KLHL36: variants seen among roughly 807,000 people sequenced by gnomAD.
KLHL36 encodes kelch like family member 36, also known as kelch-like protein 36.
In KLHL36, 35 loss-of-function variants were observed where a neutral mutation model predicts 53.3. The observed-to-expected ratio is 0.66, with a 90% CI of 0.50 to 0.87. The LOEUF (loss-of-function observed/expected upper bound fraction) is 0.87, where lower values mean the gene tolerates loss of function less well. Ranked by LOEUF, KLHL36 falls within the 40% of genes least tolerant of loss-of-function variation. The pLI, the probability that KLHL36 is intolerant of heterozygous loss-of-function variation, is 0.00. For missense variants in KLHL36, 864 were observed against 897.6 expected (o/e 0.96, Z 0.48); for synonymous variants, 472 against 398.9 (o/e 1.18, Z -2.18).
intron 2 of KLHL36, among the ~76,000 whole-genome samples, chr16:84,655,081 C>T (rs536296793): frequency 1.3e-5 from 2 of 152,324 alleles, no homozygotes; most frequent in South Asian, 4.1e-4. Flanking sequence ...ACGTGTGTGA[C>T]CTGTGAACTG....
chr16:84,651,080 G>A, intron 2 of KLHL36, 150 bp downstream of exon 2: 1 of 634,164 alleles, frequency 1.6e-6, no homozygotes, highest in Non-Finnish European at 2.7e-6. Context: ...CGGGCAAGGA[G>A]CAGAAATTGT....
Position 84,659,820 on chromosome 16 carries a change from G to A in KLHL36, c.1198G>A (p.Val400Met), listed in dbSNP as rs1286715354. Residue 400 changes from valine to methionine, a missense_variant, in exon 4 of 5, where the codon GTG (valine) becomes ATG (methionine). By Grantham distance (21) the Val-to-Met change is conservative (BLOSUM62 1). Coordinates refer to ENST00000564996, the MANE Select transcript of KLHL36 (RefSeq NM_024731.4). ...FYLASIEDML[V>M]AIGGRNENGA... is the part of the protein sequence containing the mutation. ...CCTTGCCTCCATCGAAGACATGCTG[G>A]TGGCCATCGGCGGCCGGAATGAGAA... is the stretch of plus-strand genomic sequence containing the variant. 9 of 1,614,050 alleles carry A rather than the reference G, an allele frequency of 5.6e-6. No individual in the cohort carries two copies. In the East Asian group the frequency reaches 2.0e-4, roughly 36 times the overall value.
intron 4 of KLHL36, among the ~76,000 whole-genome samples, chr16:84,660,422 G>A (rs754938333): frequency 1.1e-4 from 17 of 152,236 alleles, no homozygotes; most frequent in East Asian, 3.9e-4. Flanking sequence ...CAGGGTGGCC[G>A]CCTCACCCTC....
chr16:84,660,646 G>C (rs976851283), intron 4 of KLHL36, among the ~76,000 whole-genome samples: 1 of 152,140 alleles, frequency 6.6e-6, no homozygotes, highest in Admixed American at 6.5e-5. Flanking sequence ...TTCTGAGAGA[G>C]AGTCTCTCTC....
Position 84,664,067 on chromosome 16 carries a change from A to C in KLHL36, c.*1934A>C, listed in dbSNP as rs1360599640. On this transcript the variant is annotated 3_prime_UTR_variant, in exon 5 of 5. Coordinates refer to ENST00000564996, the MANE Select transcript of KLHL36 (RefSeq NM_024731.4). ...GTATGAAAGGTTCCGAGAAGTCTCA[A>C]CCCAGCATTTCCAAACTTCTTTGAG... 7.9e-5 allele frequency: 12 copies of C among 152,284 alleles called. No homozygotes were observed. The highest frequency in any genetic ancestry group is 1.9e-4 in the East Asian group (1 of 5,192). The allele number at this position is 152,284 out of a possible 1,614,324, so 9.4% of individuals were successfully genotyped here.
At chr16:84,651,723 C>T (rs34043136) in intron 2 of KLHL36, among the ~76,000 whole-genome samples, 2 of 152,090 alleles carry the variant, frequency 1.3e-5, no homozygotes, top group South Asian at 2.1e-4. Context: ...AATTGGTTCT[C>T]GGGAGGGTGG....
rs573467122 is a variant in KLHL36 at position 84,665,442 on chromosome 16, T to A, written c.*3309T>A. 6.6e-6 allele frequency: 1 copy of A among 152,340 alleles called. No homozygotes were observed. The highest frequency in any genetic ancestry group is 2.1e-4 in the South Asian group (1 of 4,830). 9.4% of individuals were successfully genotyped at this position (152,340 alleles called of 1,614,324 possible). A position where few individuals can be genotyped will look rare whatever the true frequency, so the allele number is the denominator to read the frequency against. On this transcript the variant is annotated 3_prime_UTR_variant, in exon 5 of 5. Coordinates refer to ENST00000564996, the MANE Select transcript of KLHL36 (RefSeq NM_024731.4). ...TAATAGAAGGGAGGGAGTAGAAAGC[T>A]GATGAACCCTTGTTACTTATAGCAA...
In KLHL36 at chr16:84,657,620, G is replaced by C; in HGVS notation, c.813G>C (p.Val271=). 6.2e-7 allele frequency: 1 copy of C among 1,611,602 alleles called. No individual in the cohort carries two copies. The highest frequency in any genetic ancestry group is 8.5e-7 in the Non-Finnish European group (1 of 1,179,732). ...ANCEGFIEEA[V]RYHNNLAAQP... ...GCGAGGGCTTCATCGAGGAGGCCGT[G>C]CGCTACCACAACAACCTGGCGGCCC... is the stretch of plus-strand genomic sequence containing the variant. The change falls in exon 3 of 5, where the codon GTG becomes GTC. Residue 271 remains valine, a synonymous_variant. Coordinates refer to ENST00000564996, the MANE Select transcript of KLHL36 (RefSeq NM_024731.4).
Position 84,657,803 on chromosome 16 carries a change from C to T in KLHL36, c.996C>T (p.Pro332=), listed in dbSNP as rs757492004. The stretch of plus-strand genomic sequence containing the variant: ...AGTGGGTCAAAGAGACGCCGCTGCC[C>T]GCCCGGCGGAGCCACCACTGTGTCG... ...SEQWVKETPL[P]ARRSHHCVAV... The change falls in exon 3 of 5, where the codon CCC becomes CCT. Residue 332 remains proline (P), a synonymous_variant. Transcript: ENST00000564996. 2.7e-5 allele frequency: 44 copies of T among 1,605,724 alleles called. No individual in the cohort carries two copies. The highest frequency in any genetic ancestry group is 3.3e-4 in the Middle Eastern group (2 of 5,992).
intron 4 of KLHL36, among the ~76,000 whole-genome samples, chr16:84,660,623 C>A (rs150814145): frequency 1.3e-5 from 2 of 151,946 alleles, no homozygotes; most frequent in African/African-American, 4.8e-5. Context: ...GGTAAGCGCT[C>A]GTATTTTTGT....
In KLHL36 at chr16:84,662,105, G is replaced by T; in HGVS notation, c.1823G>T (p.Gly608Val). 6.4e-7 allele frequency: 1 copy of T among 1,561,186 alleles called. No individual in the cohort carries two copies. ...GAGGACAAGAAGAAGAAAGGCAAAG[G>T]CAAGAGGCACCAGGACCGGGGCCAG... is the stretch of plus-strand genomic sequence containing the variant. ...RPEDKKKKGK[G>V]KRHQDRGQ Residue 608 changes from glycine (G) to valine (V), a missense_variant, in exon 5 of 5, where the codon GGC (glycine) becomes GTC (valine). By Grantham distance (109) the Gly-to-Val change is moderately radical (BLOSUM62 -3). Transcript: ENST00000564996.
chr16:84,650,375 G>C (rs1324161231), intron 1 of KLHL36, among the ~76,000 whole-genome samples: 2 of 152,142 alleles, frequency 1.3e-5, no homozygotes, highest in African/African-American at 2.4e-5. Flanking sequence ...TGGACAGACC[G>C]AGGCGTGATT....
At position 84,661,368 on chromosome 16, in the gene KLHL36, C is replaced by T. The variant is rs1330814357; in HGVS notation, c.1296-210C>T. Among the ~76,000 whole-genome samples the T allele has an allele frequency of 6.6e-6, 1 of 152,200 alleles. No individual in the cohort carries two copies. Among genetic ancestry groups the T allele is most frequent in the Non-Finnish European group, 1.5e-5 (1 of 68,044 alleles). On this transcript the variant is annotated intron_variant, in intron 4 of 4. Coordinates refer to ENST00000564996, the MANE Select transcript of KLHL36 (RefSeq NM_024731.4). The surrounding 1 kb of genome is among the most constrained non-coding windows in gnomAD (Gnocchi z 7.9). The stretch of plus-strand genomic sequence containing the variant: ...TGAAGCTGGGTTCTGGCCCAGGCGG[C>T]CTGACTGCAAAGCTGTCCACTTCCC...
At chr16:84,649,496 C>CAG (rs1567553789) in intron 1 of KLHL36, among the ~76,000 whole-genome samples, 1 of 151,936 alleles carries the variant, frequency 6.6e-6, no homozygotes, top group African/African-American at 2.4e-5. Context: ...TGTCACCTCT[C>CAG]AGCGTGAAGG....
intron 3 of KLHL36, chr16:84,658,851 C>T (rs1046533268): frequency 1.3e-5 from 2 of 152,162 alleles, no homozygotes; most frequent in Non-Finnish European, 2.9e-5. Context: ...ATTTTACTCT[C>T]AGAAATCTGA....
Position 84,663,524 on chromosome 16 carries a change from T to A in KLHL36, c.*1391T>A, listed in dbSNP as rs1268446911. ...TGAGCCAAGGAAGGCATGAATGAGCTGTACCTCACCCAGCATCCGATGGCA... is the reference window on the plus strand; with the variant it reads ...TGAGCCAAGGAAGGCATGAATGAGCAGTACCTCACCCAGCATCCGATGGCA... On this transcript the variant is annotated 3_prime_UTR_variant, in exon 5 of 5. Coordinates refer to ENST00000564996, the MANE Select transcript of KLHL36 (RefSeq NM_024731.4). The A allele has an allele frequency of 2.6e-5, 4 of 152,082 alleles. No individual in the cohort carries two copies. Among genetic ancestry groups the A allele is most frequent in the Admixed American group, 2.0e-4 (3 of 15,262 alleles). 9.4% of individuals were successfully genotyped at this position (152,082 alleles called of 1,614,324 possible).
rs143616622 is a variant in KLHL36 at position 84,657,107 on chromosome 16, G to T, written c.300G>T (p.Val100=). The T allele has an allele frequency of 1.6e-4, 253 of 1,614,224 alleles. No individual in the cohort carries two copies. Among genetic ancestry groups the T allele is most frequent in the Admixed American group, 1.2e-3 (72 of 60,030 alleles). ...IGASYIGLKA[V]VDFLYGGELV... is the part of the protein sequence containing the mutation. Reference sequence around the variant, plus strand: ...CCTCCTACATTGGGCTCAAGGCCGTGGTGGACTTCCTGTACGGCGGGGAGC... The same window carrying T: ...CCTCCTACATTGGGCTCAAGGCCGTTGTGGACTTCCTGTACGGCGGGGAGC... The change falls in exon 3 of 5, where the codon GTG becomes GTT. Residue 100 remains valine (V), a synonymous_variant. Transcript: ENST00000564996.
At position 84,657,735 on chromosome 16, in the gene KLHL36, G is replaced by C. The variant is rs757108487; in HGVS notation, c.928G>C (p.Glu310Gln). 6.2e-7 allele frequency: 1 copy of C among 1,612,388 alleles called. No homozygotes were observed. The highest frequency in any genetic ancestry group is 2.2e-5 in the East Asian group (1 of 44,852). The change falls in exon 3 of 5, where the codon GAG becomes CAG. Residue 310 changes from glutamate to glutamine, a missense_variant. Transcript: ENST00000564996. ...VGGEVSERCL[E>Q]LSDDTCYLDA... ...CGGCGAGGTCTCCGAGCGGTGTCTGGAGCTCAGTGACGACACCTGCTACCT... is the reference window on the plus strand; with the variant it reads ...CGGCGAGGTCTCCGAGCGGTGTCTGCAGCTCAGTGACGACACCTGCTACCT...
intron 2 of KLHL36, among the ~76,000 whole-genome samples, chr16:84,654,156 C>T (rs565273853): frequency 1.3e-5 from 2 of 152,312 alleles, no homozygotes; most frequent in African/African-American, 2.4e-5. Flanking sequence ...GGGCCAGCAC[C>T]CTCACCAGCG....
Sources: allele counts gnomAD v4.1 joint callset (sites outside exome capture counted in the v4.1 genomes callset), GRCh38; gene constraint gnomAD v4.1.1; non-coding constraint Gnocchi (gnomAD v3.1); transcripts MANE v1.5; gene names NCBI Gene and HGNC (gene_info 2026-07-23, HGNC 2026-07-21).